Variants in CADM1 observed in about 807,000 individuals in gnomAD.
CADM1 encodes TSLC-1.
In CADM1, 15 loss-of-function variants were observed where a neutral mutation model predicts 53.1. The observed-to-expected ratio is 0.28, with a 90% CI of 0.19 to 0.44. CADM1 has a LOEUF of 0.44. Among genes scored for constraint, CADM1 ranks in the 20% least tolerant of loss-of-function variants. The probability of loss-of-function intolerance (pLI) is 1.00; values close to 1 mark genes in which losing one functional copy is unlikely to be tolerated. For synonymous variants in CADM1, 281 were observed against 243.0 expected (o/e 1.16, Z -1.45); for missense variants, 434 against 611.3 (o/e 0.71, Z 3.06).
At chr11:115,310,536 T>G (rs1944505225) in intron 1 of CADM1, among the ~76,000 whole-genome samples, 1 of 152,158 alleles carries the variant, frequency 6.6e-6, no homozygotes, top group Non-Finnish European at 1.5e-5. Context: ...GATAAGATTT[T>G]GAACAAGTTC....
At chr11:115,374,770 CT>C (rs1591758838) in intron 1 of CADM1, among the ~76,000 whole-genome samples, 1 of 152,164 alleles carries the variant, frequency 6.6e-6, no homozygotes, top group East Asian at 1.9e-4. Context: ...CAAAATCAGA[CT>C]GTGGGCAATT....
chr11:115,475,274 TA>T (rs1399699913), intron 1 of CADM1, among the ~76,000 whole-genome samples: 4 of 152,218 alleles, frequency 2.6e-5, no homozygotes, highest in African/African-American at 9.6e-5. Context: ...ATTTTAATTT[TA>T]TTTTTTTTCC....
chr11:115,187,590 G>A (rs1192132949), intron 10 of CADM1, among the ~76,000 whole-genome samples: 1 of 152,126 alleles, frequency 6.6e-6, no homozygotes, highest in Non-Finnish European at 1.5e-5. Flanking sequence ...ATAGGTGCAT[G>A]CCACCACGCC....
intron 1 of CADM1, among the ~76,000 whole-genome samples, chr11:115,340,849 CG>C (rs1169142928): frequency 6.7e-6 from 1 of 149,838 alleles, no homozygotes; most frequent in Non-Finnish European, 1.5e-5. Context: ...TTAGTAGAGA[CG>C]GGGGTTTCTC....
chr11:115,417,378 G>A (rs1001303939), intron 1 of CADM1, among the ~76,000 whole-genome samples: 1 of 152,212 alleles, frequency 6.6e-6, no homozygotes, highest in East Asian at 1.9e-4. Flanking sequence ...CTTATCCTCA[G>A]TGGATAACTT....
chr11:115,481,628 T>C (rs925152698), intron 1 of CADM1, among the ~76,000 whole-genome samples: 2 of 152,194 alleles, frequency 1.3e-5, no homozygotes, highest in African/African-American at 4.8e-5. Context: ...GCACATCCTC[T>C]TTAATCCCAA....
chr11:115,359,750 A>C (rs1945979202), intron 1 of CADM1, among the ~76,000 whole-genome samples: 1 of 152,218 alleles, frequency 6.6e-6, no homozygotes. Flanking sequence ...TATTTAGTTT[A>C]AATGTAAGAG....
chr11:115,208,633 G>A (rs1468133026), intron 8 of CADM1, among the ~76,000 whole-genome samples: 1 of 152,188 alleles, frequency 6.6e-6, no homozygotes, highest in African/African-American at 2.4e-5. Flanking sequence ...TCTTTCAAGA[G>A]ATATTTTTTT....
At chr11:115,346,836 C>A (rs758449527) in intron 1 of CADM1, among the ~76,000 whole-genome samples, 13 of 151,950 alleles carry the variant, frequency 8.6e-5, no homozygotes, top group Non-Finnish European at 1.8e-4. Context: ...GAAGAGTGAC[C>A]ATTACTAGCA....
intron 1 of CADM1, among the ~76,000 whole-genome samples, chr11:115,470,630 A>G (rs567458201): frequency 2.6e-5 from 4 of 152,280 alleles, no homozygotes; most frequent in African/African-American, 7.2e-5. Flanking sequence ...AATGCCATAT[A>G]TATATATCAT....
intron 1 of CADM1, among the ~76,000 whole-genome samples, chr11:115,286,253 A>T (rs1489636367): frequency 6.6e-6 from 1 of 152,190 alleles, no homozygotes; most frequent in African/African-American, 2.4e-5. Context: ...CCATTATCAT[A>T]AATTTATTCA....
chr11:115,301,140 A>T (rs949305771), intron 1 of CADM1, among the ~76,000 whole-genome samples: 1 of 152,080 alleles, frequency 6.6e-6, no homozygotes, highest in Admixed American at 6.6e-5. Flanking sequence ...AGCACATTAG[A>T]CTGAAGGCAT....
chr11:115,232,787 T>C lies in CADM1; in HGVS notation c.425-1297A>G, dbSNP rs189773876. ...AAATCAGTAAGAATACTGAATTTAG[T>C]ACAGTGAATCTAAGAATATATGTCC... On this transcript the variant is annotated intron_variant, in intron 3 of 11. Coordinates refer to ENST00000331581, the MANE Select transcript of CADM1 (RefSeq NM_001301043.2). 7.1e-4 allele frequency among the ~76,000 whole-genome samples: 108 copies of C among 152,318 alleles called. 1 individual carries two copies. Among genetic ancestry groups the C allele is most frequent in the Admixed American group, 3.7e-3 (57 of 15,308 alleles).
intron 1 of CADM1, among the ~76,000 whole-genome samples, chr11:115,280,003 C>A (rs1943545698): frequency 6.6e-6 from 1 of 152,200 alleles, no homozygotes; most frequent in African/African-American, 2.4e-5. Context: ...GGACAGCAGA[C>A]TTGGCCGCAA....
intron 1 of CADM1, among the ~76,000 whole-genome samples, chr11:115,299,565 GTAA>G (rs1301732922): frequency 6.6e-6 from 1 of 152,160 alleles, no homozygotes; most frequent in Non-Finnish European, 1.5e-5. Context: ...GGTATGTCCT[GTAA>G]ATTAGGAGAT....
chr11:115,240,254 C>T lies in CADM1; in HGVS notation c.271+20G>A, dbSNP rs1203465676. On this transcript the variant is annotated intron_variant, in intron 2 of 11. Coordinates refer to ENST00000331581, the MANE Select transcript of CADM1 (RefSeq NM_001301043.2). ...TAGGTAAAAAAGTTGCCATCTACAA[C>T]TATAGAGATGGAAACTTACGCCTGA... 6.2e-7 allele frequency: 1 copy of T among 1,612,336 alleles called. No individual in the cohort carries two copies. The highest frequency in any genetic ancestry group is 1.1e-5 in the South Asian group (1 of 91,022).
chr11:115,308,461 A>G (rs1944446373), intron 1 of CADM1, among the ~76,000 whole-genome samples: 1 of 152,064 alleles, frequency 6.6e-6, no homozygotes, highest in Middle Eastern at 3.4e-3. Flanking sequence ...CTTTTTACTC[A>G]ATAAATATAC....
chr11:115,391,186 G>A (rs1049149329), intron 1 of CADM1, among the ~76,000 whole-genome samples: 8 of 152,152 alleles, frequency 5.3e-5, no homozygotes, highest in Non-Finnish European at 1.2e-4. Flanking sequence ...AAAAAAATGA[G>A]TACAATTAGA....
chr11:115,342,041 T>G lies in CADM1; in HGVS notation c.125-101621A>C, dbSNP rs80084360. ...TAAAATTCTATAAATTCATAAAAAA[T>G]GCATACCCAATATATAAGATCTCCA... On this transcript the variant is annotated intron_variant, in intron 1 of 11. Transcript: ENST00000331581. Among the ~76,000 whole-genome samples, 428 of 152,240 alleles carry G rather than the reference T, an allele frequency of 2.8e-3. 1 individual carries two copies. Among genetic ancestry groups the G allele is most frequent in the African/African-American group, 9.7e-3 (401 of 41,554 alleles).
Sources: gnomAD v4.1 joint callset for allele counts (sites outside exome capture counted in the v4.1 genomes callset) on GRCh38, gnomAD v4.1.1 for gene constraint, MANE v1.5 for transcripts, NCBI Gene and HGNC (gene_info 2026-07-23, HGNC 2026-07-21) for gene names.